The following C3orf70 variants were observed in gnomAD, a reference collection of about 807,000 sequenced individuals.
C3orf70 encodes the protein chromosome 3 open reading frame 70, also known as UPF0524 protein C3orf70.
Under a neutral mutation model 20.7 loss-of-function variants are expected in C3orf70, and 15 were observed. The ratio of observed to expected loss-of-function variants is 0.72; its 90% CI spans 0.48 to 1.11. C3orf70 has a LOEUF of 1.11. Ranked by LOEUF, C3orf70 falls within the 50% of genes most tolerant of loss-of-function variation. The probability of loss-of-function intolerance (pLI) is 0.00; values close to 1 mark genes in which losing one functional copy is unlikely to be tolerated. For missense variants in C3orf70, 332 were observed against 317.6 expected (o/e 1.05, Z -0.34); for synonymous variants, 161 against 125.7 (o/e 1.28, Z -1.88).
intron 1 of C3orf70, among the ~76,000 whole-genome samples, chr3:185,109,403 T>A (rs1234608453): frequency 6.6e-6 from 1 of 152,184 alleles, no homozygotes; most frequent in East Asian, 1.9e-4. Flanking sequence ...TGAAACTTTA[T>A]CATGAGCCAG....
At chr3:185,102,253 T>C (rs7652844) in intron 1 of C3orf70, among the ~76,000 whole-genome samples, 7,904 of 152,214 alleles carry the variant, frequency 0.052, 666 homozygotes, top group African/African-American at 0.18. Flanking sequence ...ACAGAAATGA[T>C]TAGCATTCCT....
At chr3:185,138,789 C>T (rs1459401074) in intron 1 of C3orf70, among the ~76,000 whole-genome samples, 2 of 152,104 alleles carry the variant, frequency 1.3e-5, no homozygotes, top group Admixed American at 1.3e-4. Flanking sequence ...AAATCTACTG[C>T]TAACATTATA....
intron 1 of C3orf70, among the ~76,000 whole-genome samples, chr3:185,135,836 A>T (rs1325207604): frequency 2.0e-5 from 3 of 152,356 alleles, no homozygotes; most frequent in East Asian, 3.9e-4. Flanking sequence ...ATTCAAAAAT[A>T]TTAGAGATAA....
chr3:185,130,710 G>T (rs1716507895), intron 1 of C3orf70, among the ~76,000 whole-genome samples: 1 of 152,078 alleles, frequency 6.6e-6, no homozygotes, highest in Non-Finnish European at 1.5e-5. Context: ...GGAATCATAC[G>T]ATATGTTACT....
chr3:185,148,522 T>C (rs936477585), intron 1 of C3orf70, among the ~76,000 whole-genome samples: 2 of 152,236 alleles, frequency 1.3e-5, no homozygotes, highest in African/African-American at 4.8e-5. Context: ...ACCAATCTAA[T>C]TTCTTATTCT....
intron 1 of C3orf70, among the ~76,000 whole-genome samples, chr3:185,115,923 C>T (rs1460340901): frequency 1.3e-5 from 2 of 152,202 alleles, no homozygotes; most frequent in Non-Finnish European, 2.9e-5. Context: ...TATTACCTCC[C>T]AAAGGTCTCA....
At chr3:185,125,982 A>G (rs1716403457) in intron 1 of C3orf70, among the ~76,000 whole-genome samples, 1 of 151,968 alleles carries the variant, frequency 6.6e-6, no homozygotes, top group African/African-American at 2.4e-5. Flanking sequence ...TAGTTACACA[A>G]TTATATATGT....
Position 185,082,643 on chromosome 3 carries a change from G to T in C3orf70, c.*364C>A. The T allele has an allele frequency of 4.3e-6, 1 of 231,738 alleles. No homozygotes were observed. Among genetic ancestry groups the T allele is most frequent in the Non-Finnish European group, 8.5e-6 (1 of 117,898 alleles). The allele number at this position is 231,738 out of a possible 1,614,324, so 14.4% of individuals were successfully genotyped here. A position where few individuals can be genotyped will look rare whatever the true frequency, so the allele number is the denominator to read the frequency against. ...TGGCAAGAGTCTCTGTGAAGGACTG[G>T]CTACCGAGAAAACACCGGCTCCTTC... On this transcript the variant is annotated 3_prime_UTR_variant, in exon 2 of 2. Coordinates refer to ENST00000335012, the MANE Select transcript of C3orf70 (RefSeq NM_001025266.3).
chr3:185,142,614 C>G (rs1716779271), intron 1 of C3orf70, among the ~76,000 whole-genome samples: 1 of 152,168 alleles, frequency 6.6e-6, no homozygotes, highest in Non-Finnish European at 1.5e-5. Context: ...ACTAAAATCA[C>G]TGGGTTAAAG....
chr3:185,135,524 T>C (rs187481438), intron 1 of C3orf70, among the ~76,000 whole-genome samples: 229 of 152,326 alleles, frequency 1.5e-3, no homozygotes, highest in African/African-American at 5.2e-3. Flanking sequence ...GAATAGAAGT[T>C]GGTTAATGGG....
chr3:185,091,726 G>T (rs966842040), intron 1 of C3orf70, among the ~76,000 whole-genome samples: 2 of 148,442 alleles, frequency 1.3e-5, no homozygotes, highest in African/African-American at 2.5e-5. Context: ...GCTCTGTTGT[G>T]CAGGCTGGAG....
intron 1 of C3orf70, among the ~76,000 whole-genome samples, chr3:185,087,409 G>T (rs1198554707): frequency 6.6e-6 from 1 of 152,120 alleles, no homozygotes; most frequent in Non-Finnish European, 1.5e-5. Context: ...TGCAAAAGCT[G>T]GAAGCAACAC....
rs577105114 is a variant in C3orf70, at chr3:185,136,325, C to T, written c.196+16303G>A. Among the ~76,000 whole-genome samples the T allele has an allele frequency of 2.1e-3, 319 of 152,288 alleles. 1 individual carries two copies. The highest frequency in any genetic ancestry group is 7.2e-3 in the African/African-American group (301 of 41,556). ...ATATCTGGCCAGGCATGGTGGCTCA[C>T]GCCTGTAATCTCAGCACTTTGAGAG... On this transcript the variant is annotated intron_variant, in intron 1 of 1. Transcript: ENST00000335012.
intron 1 of C3orf70, among the ~76,000 whole-genome samples, chr3:185,142,718 T>C (rs1374335934): frequency 2.0e-5 from 3 of 152,178 alleles, no homozygotes; most frequent in Non-Finnish European, 2.9e-5. Context: ...AAGGCATCTT[T>C]ATAATGGAAA....
Position 185,079,280 on chromosome 3 carries a change from C to CAAAAAAAAAAAAAAAAAAAAAAAAA in C3orf70, c.*3726_*3727insTTTTTTTTTTTTTTTTTTTTTTTTT, listed in dbSNP as rs60241057. The CAAAAAAAAAAAAAAAAAAAAAAAAA allele has an allele frequency of 4.1e-4, 21 of 50,628 alleles. No individual in the cohort carries two copies. The highest frequency in any genetic ancestry group is 7.4e-4 in the Non-Finnish European group (17 of 23,014). The allele number at this position is 50,628 out of a possible 1,614,324, so 3.1% of individuals were successfully genotyped here. On this transcript the variant is annotated 3_prime_UTR_variant, in exon 2 of 2. Transcript: ENST00000335012. ...TGGGTGAAGGAGCGAGACTCTGTCT[C>CAAAAAAAAAAAAAAAAAAAAAAAAA]AAAAAAAAAAAAAAAAAAAAAAAAG...
At chr3:185,142,824 T>C (rs922968886) in intron 1 of C3orf70, among the ~76,000 whole-genome samples, 2 of 152,190 alleles carry the variant, frequency 1.3e-5, no homozygotes, top group African/African-American at 4.8e-5. Flanking sequence ...ACTCATGTAA[T>C]AATGTGACAA....
chr3:185,101,243 G>C (rs1715816956), intron 1 of C3orf70, among the ~76,000 whole-genome samples: 1 of 152,102 alleles, frequency 6.6e-6, no homozygotes, highest in African/African-American at 2.4e-5. Flanking sequence ...GAAAACTTCA[G>C]GCCAATATCC....
chr3:185,121,795 A>G (rs964502248), intron 1 of C3orf70, among the ~76,000 whole-genome samples: 1 of 152,192 alleles, frequency 6.6e-6, no homozygotes, highest in Non-Finnish European at 1.5e-5. Context: ...ATAAAGAAAT[A>G]AATTGGTTAA....
intron 1 of C3orf70, among the ~76,000 whole-genome samples, chr3:185,128,512 G>C (rs1206429690): frequency 1.3e-5 from 2 of 149,778 alleles, no homozygotes; most frequent in African/African-American, 4.9e-5. Flanking sequence ...TGGCTACAGA[G>C]CGAGACTGTT....
Sources: gnomAD v4.1 joint callset for allele counts (sites outside exome capture counted in the v4.1 genomes callset) on GRCh38, gnomAD v4.1.1 for gene constraint, MANE v1.5 for transcripts, NCBI Gene and HGNC (gene_info 2026-07-23, HGNC 2026-07-21) for gene names.